COL24A1: variants seen among roughly 807,000 people sequenced by gnomAD.
The protein encoded by COL24A1 is collagen type XXIV alpha 1 chain.
COL24A1 carries 224 observed loss-of-function variants against 253.9 expected under a neutral mutation model. The ratio of observed to expected loss-of-function variants is 0.88; its 90% CI spans 0.79 to 0.99. The LOEUF (loss-of-function observed/expected upper bound fraction) is 0.99, where lower values mean the gene tolerates loss of function less well. Ranked by LOEUF, COL24A1 falls within the 50% of genes least tolerant of loss-of-function variation. COL24A1 has a pLI of 0.00. For missense variants in COL24A1, 2,131 were observed against 2,068.5 expected, an observed-to-expected ratio of 1.03 and a Z score of -0.59; for synonymous variants, 685 against 673.7, an observed-to-expected ratio of 1.02 and a Z score of -0.26.
At chr1:85,744,934 G>A in intron 56 of COL24A1, 100 bp from the exon 57 acceptor site, 1 of 855,326 alleles carries the variant, frequency 1.2e-6, no homozygotes, top group Non-Finnish European at 1.8e-6. Context: ...GTAGTAAGTT[G>A]TGAGTAGAAT....
At chr1:85,740,689 A>G (rs1364151715) in intron 57 of COL24A1, among the ~76,000 whole-genome samples, 2 of 151,676 alleles carry the variant, frequency 1.3e-5, no homozygotes, top group Non-Finnish European at 2.9e-5. Context: ...AACTGATCCG[A>G]AAAAAATGTT....
intron 23 of COL24A1, among the ~76,000 whole-genome samples, chr1:85,963,855 T>C (rs1691309045): frequency 6.6e-6 from 1 of 152,170 alleles, no homozygotes; most frequent in Non-Finnish European, 1.5e-5. Flanking sequence ...TAGCGCTATT[T>C]GGCAGTCTAG....
chr1:86,124,675 G>C (rs1572003806), intron 3 of COL24A1, among the ~76,000 whole-genome samples, 170 bp downstream of exon 3: 1 of 151,968 alleles, frequency 6.6e-6, no homozygotes, highest in South Asian at 2.1e-4. Flanking sequence ...CATTCTGGCA[G>C]ATATGTTACA....
At chr1:86,003,087 A>G (rs1410680551) in intron 19 of COL24A1, among the ~76,000 whole-genome samples, 1 of 152,226 alleles carries the variant, frequency 6.6e-6, no homozygotes, top group African/African-American at 2.4e-5. Flanking sequence ...TATGGAGCCT[A>G]TGGCAGTTTG....
chr1:85,991,719 TA>T (rs1357977774), intron 19 of COL24A1, among the ~76,000 whole-genome samples: 1 of 151,950 alleles, frequency 6.6e-6, no homozygotes, highest in East Asian at 1.9e-4. Flanking sequence ...GGAGAAATAT[TA>T]AAAAGACAAA....
intron 53 of COL24A1, among the ~76,000 whole-genome samples, chr1:85,768,503 T>C (rs893711277): frequency 6.6e-6 from 1 of 150,872 alleles, no homozygotes; most frequent in African/African-American, 2.4e-5. Flanking sequence ...GAATGAGAGA[T>C]GGATTGAGAA....
At chr1:85,740,763 C>T (rs1344022839) in intron 57 of COL24A1, among the ~76,000 whole-genome samples, 2 of 149,616 alleles carry the variant, frequency 1.3e-5, no homozygotes, top group African/African-American at 4.9e-5. Context: ...TGAGCCATTG[C>T]ACCTGGCCTG....
At chr1:85,945,416 T>C (rs1355613420) in intron 24 of COL24A1, among the ~76,000 whole-genome samples, 1 of 151,682 alleles carries the variant, frequency 6.6e-6, no homozygotes, top group Non-Finnish European at 1.5e-5. Flanking sequence ...GAAACAATTT[T>C]ATTAAAAAAT....
At chr1:86,034,528 T>C (rs548108490) in intron 12 of COL24A1, among the ~76,000 whole-genome samples, 1 of 152,274 alleles carries the variant, frequency 6.6e-6, no homozygotes, top group East Asian at 1.9e-4. Flanking sequence ...AGACCGATTC[T>C]AGAGTCCATG....
intron 2 of COL24A1, among the ~76,000 whole-genome samples, chr1:86,138,629 G>T (rs1274727254): frequency 6.6e-6 from 1 of 152,130 alleles, no homozygotes; most frequent in Non-Finnish European, 1.5e-5. Context: ...CACCATGATT[G>T]TGAGGCCTCC....
At chr1:86,087,960 AC>A (rs1292256435) in intron 7 of COL24A1, among the ~76,000 whole-genome samples, 1 of 152,194 alleles carries the variant, frequency 6.6e-6, no homozygotes, top group East Asian at 1.9e-4. Flanking sequence ...TCTCATGAGT[AC>A]CTTTTCATTA....
At chr1:86,055,766 T>C (rs1700619258) in intron 10 of COL24A1, among the ~76,000 whole-genome samples, 1 of 151,960 alleles carries the variant, frequency 6.6e-6, no homozygotes, top group Non-Finnish European at 1.5e-5. Context: ...TAATAAATAA[T>C]GAGATAAGAA....
At chr1:86,101,542 T>C (rs1189642665) in intron 5 of COL24A1, among the ~76,000 whole-genome samples, 2 of 152,184 alleles carry the variant, frequency 1.3e-5, no homozygotes, top group East Asian at 3.9e-4. Context: ...ATGGTTCTTA[T>C]TATTTTGAAG....
At chr1:86,096,393 A>G (rs1703893205) in intron 5 of COL24A1, among the ~76,000 whole-genome samples, 1 of 152,158 alleles carries the variant, frequency 6.6e-6, no homozygotes, top group South Asian at 2.1e-4. Context: ...CTTGACTTTG[A>G]CATTACTAAT....
At chr1:86,055,746 C>T (rs1431354623) in intron 10 of COL24A1, among the ~76,000 whole-genome samples, 1 of 152,114 alleles carries the variant, frequency 6.6e-6, no homozygotes, top group Non-Finnish European at 1.5e-5. Flanking sequence ...TAAGTTTCAT[C>T]ATGACCATTT....
intron 55 of COL24A1, among the ~76,000 whole-genome samples, chr1:85,757,571 AT>A (rs10708880): frequency 0.43 from 64,698 of 151,774 alleles, 14,430 homozygotes; most frequent in South Asian, 0.57. Context: ...ATAAAAAGGC[AT>A]TTTTTTTCCC....
intron 55 of COL24A1, 131 bp downstream of exon 55, chr1:85,761,265 T>A (rs1010793791): frequency 2.7e-4 from 252 of 949,334 alleles, no homozygotes; most frequent in Non-Finnish European, 3.5e-5. Context: ...CAGCCCTGTA[T>A]CAGGTTAGCA....
chr1:85,926,965 T>C (rs546704317), intron 24 of COL24A1, among the ~76,000 whole-genome samples: 2 of 152,288 alleles, frequency 1.3e-5, no homozygotes, highest in Admixed American at 6.5e-5. Flanking sequence ...GACAAATTCA[T>C]AGAATTTAGC....
At chr1:85,879,495 G>A (rs1052759409) in intron 32 of COL24A1, among the ~76,000 whole-genome samples, 1 of 151,942 alleles carries the variant, frequency 6.6e-6, no homozygotes, top group Non-Finnish European at 1.5e-5. Context: ...ATCTACAGTC[G>A]ACACTTAAAA....
Sources: gnomAD v4.1 joint callset for allele counts (sites outside exome capture counted in the v4.1 genomes callset) on GRCh38, gnomAD v4.1.1 for gene constraint, MANE v1.5 for transcripts, NCBI Gene and HGNC (gene_info 2026-07-23, HGNC 2026-07-21) for gene names.